HDGFL3: variants seen among roughly 807,000 people sequenced by gnomAD.
HDGFL3 encodes the protein HDGF like 3.
A neutral mutation model predicts 27.6 loss-of-function variants in HDGFL3; 6 were observed. The ratio of observed to expected loss-of-function variants is 0.22; its 90% CI spans 0.12 to 0.43. HDGFL3 has a LOEUF of 0.43. HDGFL3 is among the 20% of genes least tolerant of loss of function. HDGFL3 has a pLI of 1.00. For missense variants in HDGFL3, 207 were observed against 250.1 expected (o/e 0.83, Z 1.16); for synonymous variants, 88 against 88.9 (o/e 0.99, Z 0.05).
At chr15:83,151,184 A>G (rs973890242) in intron 5 of HDGFL3, 31 bp downstream of exon 5, 4 of 1,591,370 alleles carry the variant, frequency 2.5e-6, no homozygotes, top group Non-Finnish European at 3.4e-6. Flanking sequence ...CTTCTAATAG[A>G]AGGTAAGAGA....
intron 3 of HDGFL3, chr15:83,121,975 T>C (rs1241295701): frequency 6.8e-6 from 11 of 1,611,570 alleles, no homozygotes; most frequent in Non-Finnish European, 8.5e-6. Flanking sequence ...TTATGAGTGT[T>C]GTTGTTTTTG....
In HDGFL3 at chr15:83,137,329, T is replaced by A. The variant is rs1021240987; in HGVS notation, c.*1941A>T. ...AATATTTCTATTGTATTTCTGTGTA[T>A]ATTTTTAATAAAATTATTTTTGGCC... is the stretch of plus-strand genomic sequence containing the variant. On this transcript the variant is annotated 3_prime_UTR_variant, in exon 6 of 6. Transcript: ENST00000299633. The A allele has an allele frequency of 6.6e-6, 1 of 152,154 alleles. No homozygotes were observed. The highest frequency in any genetic ancestry group is 1.5e-5 in the Non-Finnish European group (1 of 67,988). 9.4% of individuals were successfully genotyped at this position (152,154 alleles called of 1,614,324 possible).
intron 3 of HDGFL3, chr15:83,119,486 T>G: frequency 8.0e-7 from 1 of 1,247,066 alleles, no homozygotes; most frequent in Non-Finnish European, 1.2e-6. Context: ...CACAAGTTAG[T>G]TCTGCTGTTT....
At chr15:83,176,989 C>G (rs1686113869) in intron 1 of HDGFL3, among the ~76,000 whole-genome samples, 1 of 74,378 alleles carries the variant, frequency 1.3e-5, no homozygotes, top group African/African-American at 1.1e-4. Context: ...GCAATCTCAG[C>G]TCACTGCAAC....
rs559173257 is a variant in HDGFL3, at chr15:83,163,999, G to T, written c.161C>A (p.Thr54Asn). 3.0e-5 allele frequency: 49 copies of T among 1,611,198 alleles called. No homozygotes were observed. The highest frequency in any genetic ancestry group is 2.3e-4 in the Admixed American group (14 of 59,790). Residue 54 changes from threonine (T) to asparagine (N), a missense_variant and splice_region_variant, in exon 2 of 6, where the codon ACT becomes AAT. By Grantham distance (65) the Thr-to-Asn change is moderately conservative. Transcript: ENST00000299633. ...YPIFFFGTHE[T>N]AFLGPKDLFP... is the part of the protein sequence containing the mutation. ...GTTGAAACTATTTTTGCTAACTTAC[G>T]TTTCATGGGTGCCAAAAAAGAAGAT...
chr15:83,178,894 T>C (rs1360900731), intron 1 of HDGFL3, among the ~76,000 whole-genome samples: 2 of 152,230 alleles, frequency 1.3e-5, no homozygotes, highest in East Asian at 3.8e-4. Flanking sequence ...ATCAGGCTTC[T>C]ACTGTGGTGT....
At chr15:83,126,831 C>G, downstream of HDGFL3, 1 of 1,613,202 alleles carries the variant, frequency 6.2e-7, no homozygotes, top group South Asian at 1.1e-5. Context: ...GATCCTGCTG[C>G]TTATCCTAAA....
chr15:83,140,380 T>A (rs907459029), intron 5 of HDGFL3, among the ~76,000 whole-genome samples: 2 of 152,242 alleles, frequency 1.3e-5, no homozygotes, highest in African/African-American at 2.4e-5. Flanking sequence ...AAAACACCAG[T>A]TATAAGATTA....
chr15:83,177,303 A>G (rs1225856291), intron 1 of HDGFL3, among the ~76,000 whole-genome samples: 2 of 152,174 alleles, frequency 1.3e-5, no homozygotes, highest in South Asian at 2.1e-4. Context: ...TAAAACACCT[A>G]TTTGTCCTTG....
chr15:83,115,404 C>A (rs1394970350), exon 4 of HDGFL3: 3 of 320,300 alleles, frequency 9.4e-6, no homozygotes, highest in Non-Finnish European at 1.8e-5. Flanking sequence ...AGACTTGAGC[C>A]ACCATGCCCA....
intron 5 of HDGFL3, among the ~76,000 whole-genome samples, chr15:83,145,202 T>C (rs74028243): frequency 5.3e-4 from 81 of 152,254 alleles, no homozygotes; most frequent in African/African-American, 1.8e-3. Flanking sequence ...TACTATAAGA[T>C]GGGCTCCAGA....
At chr15:83,199,413 C>T (rs1022652693) in intron 1 of HDGFL3, among the ~76,000 whole-genome samples, 1 of 152,268 alleles carries the variant, frequency 6.6e-6, no homozygotes, top group Admixed American at 6.5e-5. Context: ...TTCTGTGAAA[C>T]TCATTTTTAT....
At chr15:83,150,717 T>C (rs2036952831) in intron 5 of HDGFL3, among the ~76,000 whole-genome samples, 1 of 152,216 alleles carries the variant, frequency 6.6e-6, no homozygotes, top group African/African-American at 2.4e-5. Context: ...ACAAAAGTTA[T>C]GAAGAGTCAT....
intron 1 of HDGFL3, among the ~76,000 whole-genome samples, chr15:83,197,397 T>C (rs759739165): frequency 6.6e-6 from 1 of 152,208 alleles, no homozygotes; most frequent in Non-Finnish European, 1.5e-5. Context: ...AATGTTTCTT[T>C]TAAAAAATTG....
downstream of HDGFL3, chr15:83,127,221 A>T (rs2035849795): frequency 5.6e-5 from 11 of 197,884 alleles, no homozygotes; most frequent in South Asian, 4.4e-4. Context: ...AAATAAAAGT[A>T]AAAAAAAAAA....
At chr15:83,115,976 C>T (rs756183526) in intron 3 of HDGFL3, 6 of 1,505,086 alleles carry the variant, frequency 4.0e-6, no homozygotes, top group Non-Finnish European at 4.6e-6. Context: ...GAGGTTTCAA[C>T]CAAAAGGCCA....
At chr15:83,197,948 C>A (rs1462056091) in intron 1 of HDGFL3, among the ~76,000 whole-genome samples, 1 of 142,250 alleles carries the variant, frequency 7.0e-6, no homozygotes. Flanking sequence ...GGCAGGAGAA[C>A]CTGGGGGCGG....
At chr15:83,149,227 T>G (rs1160669109) in intron 5 of HDGFL3, among the ~76,000 whole-genome samples, 4 of 152,212 alleles carry the variant, frequency 2.6e-5, no homozygotes, top group Admixed American at 2.6e-4. Flanking sequence ...AGATAATGAA[T>G]GCAGACCACG....
At chr15:83,116,104 G>C (rs1006068819) in intron 3 of HDGFL3, among the ~76,000 whole-genome samples, 130 of 152,320 alleles carry the variant, frequency 8.5e-4, no homozygotes, top group African/African-American at 3.0e-3. Context: ...GGAAAGTGGA[G>C]CAGAAAGGAC....
Sources: gnomAD v4.1 joint callset for allele counts (sites outside exome capture counted in the v4.1 genomes callset) on GRCh38, gnomAD v4.1.1 for gene constraint, MANE v1.5 for transcripts, NCBI Gene and HGNC (gene_info 2026-07-23, HGNC 2026-07-21) for gene names.